The following PPTC7 variants were observed in gnomAD, a reference collection of about 807,000 sequenced individuals.
PPTC7 encodes the protein protein phosphatase targeting COQ7.
A neutral mutation model predicts 30.8 loss-of-function variants in PPTC7; 6 were observed. That is an observed-to-expected ratio of 0.19 (90% CI 0.11 to 0.38). The LOEUF (loss-of-function observed/expected upper bound fraction) is 0.38. PPTC7 is among the 10% of genes least tolerant of loss of function. The pLI is 1.00. For synonymous variants in PPTC7, 163 were observed against 168.1 expected (o/e 0.97, Z 0.23); for missense variants, 218 against 404.8 (o/e 0.54, Z 3.96).
chr12:110,556,653 A>C (rs2064389685), intron 1 of PPTC7, among the ~76,000 whole-genome samples: 1 of 152,234 alleles, frequency 6.6e-6, no homozygotes, highest in African/African-American at 2.4e-5. Flanking sequence ...CAACTATCAA[A>C]CAGCAAAGGA....
intron 1 of PPTC7, among the ~76,000 whole-genome samples, chr12:110,581,290 T>C (rs750520972): frequency 1.3e-4 from 19 of 151,964 alleles, no homozygotes; most frequent in Non-Finnish European, 2.2e-4. Flanking sequence ...GATGGGCGCC[T>C]ATAATCCCAG....
intron 1 of PPTC7, among the ~76,000 whole-genome samples, chr12:110,576,913 T>C (rs1193986609): frequency 2.0e-5 from 3 of 152,198 alleles, no homozygotes; most frequent in African/African-American, 7.2e-5. Context: ...ACGCCTGTAA[T>C]CCCAGCACTT....
At chr12:110,576,961 G>A (rs1222319913) in intron 1 of PPTC7, among the ~76,000 whole-genome samples, 1 of 152,164 alleles carries the variant, frequency 6.6e-6, no homozygotes, top group African/African-American at 2.4e-5. Flanking sequence ...GAGGTCAGGA[G>A]TTCGAGACTA....
intron 1 of PPTC7, among the ~76,000 whole-genome samples, chr12:110,581,178 G>A (rs188437115): frequency 6.6e-6 from 1 of 152,250 alleles, no homozygotes; most frequent in African/African-American, 2.4e-5. Flanking sequence ...GGCGGCCGAG[G>A]CGAACACGAG....
At chr12:110,566,718 G>A (rs1369694654) in intron 1 of PPTC7, among the ~76,000 whole-genome samples, 1 of 152,118 alleles carries the variant, frequency 6.6e-6, no homozygotes, top group African/African-American at 2.4e-5. Flanking sequence ...ACACTAGTCT[G>A]TGGTCACAAC....
rs536069426 is a variant in PPTC7 at position 110,565,673 on chromosome 12, T to G, written c.224-13705A>C. Among the ~76,000 whole-genome samples, 4 of 152,314 alleles carry G rather than the reference T, an allele frequency of 2.6e-5. No individual in the cohort carries two copies. The South Asian group carries it at 8.3e-4, about 32-fold the overall frequency. On this transcript the variant is annotated intron_variant, in intron 1 of 5. Coordinates refer to ENST00000354300, the MANE Select transcript of PPTC7 (RefSeq NM_139283.2). ...TACTCACATTTAATATTAAAACTAT[T>G]CAAAACATTCTATTGGACATTTACT... is the stretch of plus-strand genomic sequence containing the variant.
intron 1 of PPTC7, among the ~76,000 whole-genome samples, chr12:110,582,237 G>A (rs1252907363): frequency 2.0e-5 from 3 of 152,166 alleles, no homozygotes; most frequent in African/African-American, 7.2e-5. Context: ...CGCTGTGAGG[G>A]TTTTTTCGCC....
Position 110,538,074 on chromosome 12 carries a change from C to T in PPTC7, c.856+70G>A, listed in dbSNP as rs947875924. The T allele has an allele frequency of 3.2e-6, 5 of 1,545,860 alleles. No homozygotes were observed. The African/African-American group carries it at 6.8e-5, about 21-fold the overall frequency. On this transcript the variant is annotated intron_variant, in intron 5 of 5. Transcript: ENST00000354300. ...GACACCTCCACAGTCTCACCCAGAGCCCAGAATGCTCCACTCTACTGACAC... is the reference window on the plus strand; with the variant it reads ...GACACCTCCACAGTCTCACCCAGAGTCCAGAATGCTCCACTCTACTGACAC...
At chr12:110,576,138 C>T (rs1477659059) in intron 1 of PPTC7, among the ~76,000 whole-genome samples, 1 of 152,062 alleles carries the variant, frequency 6.6e-6, no homozygotes, top group African/African-American at 2.4e-5. Flanking sequence ...ACTCACACTT[C>T]CTTATTAATA....
chr12:110,540,309 A>AACC (rs2064248243), intron 3 of PPTC7, among the ~76,000 whole-genome samples: 1 of 125,412 alleles, frequency 8.0e-6, no homozygotes, highest in African/African-American at 3.2e-5. Context: ...GCCGAATTCC[A>AACC]TCCCCCCCCG....
chr12:110,577,318 A>G lies in PPTC7; in HGVS notation c.223+5491T>C, dbSNP rs115154883. 5.9e-3 allele frequency among the ~76,000 whole-genome samples: 894 copies of G among 151,636 alleles called. 3 individuals are homozygous for G. Among genetic ancestry groups the G allele is most frequent in the African/African-American group, 0.021 (856 of 41,516 alleles). On this transcript the variant is annotated intron_variant, in intron 1 of 5. Coordinates refer to ENST00000354300, the MANE Select transcript of PPTC7 (RefSeq NM_139283.2). ...TAAAATTAAAAAAAAAAAGAAAAAA[A>G]AATTATGGTAATATAATGAGAGTGG...
intron 2 of PPTC7, among the ~76,000 whole-genome samples, chr12:110,549,602 T>C (rs1256794738): frequency 2.0e-5 from 3 of 152,166 alleles, no homozygotes; most frequent in Non-Finnish European, 4.4e-5. Flanking sequence ...AATCACAATA[T>C]TCAATGTAAG....
chr12:110,551,672 C>G (rs2064350557), intron 2 of PPTC7, 117 bp downstream of exon 2: 1 of 945,686 alleles, frequency 1.1e-6, no homozygotes, highest in Non-Finnish European at 1.6e-6. Context: ...CTCTATCACA[C>G]TCTGCTTAGT....
rs184351831 is a variant in PPTC7, at chr12:110,569,061, A to G, written c.223+13748T>C. 7.4e-3 allele frequency among the ~76,000 whole-genome samples: 1,030 copies of G among 138,956 alleles called. 2 individuals carry two copies. Among genetic ancestry groups the G allele is most frequent in the Non-Finnish European group, 9.7e-3 (633 of 65,142 alleles). The allele number at this position is 138,956 out of a possible 152,430, so 91.2% of individuals were successfully genotyped here. Reference sequence around the variant, plus strand: ...CCCCCCCTCAAAAAAAGCCAGGTGCAGTGGCTCACGCCTGTAATCCCAACA... The same window carrying G: ...CCCCCCCTCAAAAAAAGCCAGGTGCGGTGGCTCACGCCTGTAATCCCAACA... On this transcript the variant is annotated intron_variant, in intron 1 of 5. Transcript: ENST00000354300.
intron 1 of PPTC7, among the ~76,000 whole-genome samples, chr12:110,553,058 C>T (rs1277878455): frequency 6.6e-6 from 1 of 151,936 alleles, no homozygotes; most frequent in East Asian, 2.0e-4. Flanking sequence ...TGGCAGGCAA[C>T]TGAAATCCCA....
At chr12:110,567,804 T>C (rs1023232027) in intron 1 of PPTC7, among the ~76,000 whole-genome samples, 3 of 152,188 alleles carry the variant, frequency 2.0e-5, no homozygotes, top group Non-Finnish European at 4.4e-5. Context: ...ATGTGAAATA[T>C]TCTTTAGAAG....
At chr12:110,575,270 A>C (rs1029462350) in intron 1 of PPTC7, among the ~76,000 whole-genome samples, 1 of 152,194 alleles carries the variant, frequency 6.6e-6, no homozygotes, top group African/African-American at 2.4e-5. Context: ...CAGTTTGAAA[A>C]GTCAAATTTC....
Position 110,583,198 on chromosome 12 carries a change from C to A in PPTC7, c.-167G>T. On this transcript the variant is annotated 5_prime_UTR_variant, in exon 1 of 6. Coordinates refer to ENST00000354300, the MANE Select transcript of PPTC7 (RefSeq NM_139283.2). ...TGCCCGACGCGCGGGGCCTCGCACGCGCTCAGCCGCGCGCACCGGAGCCAG... is the reference window on the plus strand; with the variant it reads ...TGCCCGACGCGCGGGGCCTCGCACGAGCTCAGCCGCGCGCACCGGAGCCAG... 1 of 244,472 alleles carries A rather than the reference C, an allele frequency of 4.1e-6. No homozygotes were observed. The highest frequency in any genetic ancestry group is 7.2e-6 in the Non-Finnish European group (1 of 139,144). The allele number at this position is 244,472 out of a possible 1,614,324, so 15.1% of individuals were successfully genotyped here.
chr12:110,575,434 C>T (rs1320957707), intron 1 of PPTC7, among the ~76,000 whole-genome samples: 1 of 151,868 alleles, frequency 6.6e-6, no homozygotes, highest in African/African-American at 2.4e-5. Context: ...TTGAGCTACT[C>T]AAAGGACATG....
Sources: allele counts gnomAD v4.1 joint callset (sites outside exome capture counted in the v4.1 genomes callset), GRCh38; gene constraint gnomAD v4.1.1; transcripts MANE v1.5; gene names NCBI Gene and HGNC (gene_info 2026-07-23, HGNC 2026-07-21).